Variants in PARD3 observed in about 807,000 individuals in gnomAD.
PARD3 encodes the protein partitioning defective 3 homolog.
In PARD3, 75 loss-of-function variants were observed where a neutral mutation model predicts 155.4. That is an observed-to-expected ratio of 0.48 (90% confidence interval 0.40 to 0.58). The LOEUF is 0.58. Ranked by LOEUF, PARD3 falls within the 20% of genes least tolerant of loss-of-function variation. PARD3 has a pLI of 0.00. For synonymous variants in PARD3, 576 were observed against 610.5 expected, an observed-to-expected ratio of 0.94 and a Z score of 0.83; for missense variants, 1,642 against 1,721.7, an observed-to-expected ratio of 0.95 and a Z score of 0.82.
intron 1 of PARD3, among the ~76,000 whole-genome samples, chr10:34,790,311 C>T (rs866255690): frequency 2.6e-5 from 4 of 152,216 alleles, no homozygotes; most frequent in Middle Eastern, 6.8e-3. Context: ...CAGTCTGATC[C>T]CCAGGGAGGC....
chr10:34,377,565 G>A (rs998334472), intron 10 of PARD3, among the ~76,000 whole-genome samples: 10 of 152,080 alleles, frequency 6.6e-5, no homozygotes, highest in African/African-American at 1.7e-4. Context: ...ACTCCAGCCT[G>A]GGCGACAGAG....
At chr10:34,409,658 A>G (rs977678054) in intron 5 of PARD3, among the ~76,000 whole-genome samples, 4 of 152,110 alleles carry the variant, frequency 2.6e-5, no homozygotes, top group Non-Finnish European at 5.9e-5. Context: ...CCCACCACAC[A>G]CTAGTGACCA....
chr10:34,565,541 G>C (rs1202159256), intron 2 of PARD3, among the ~76,000 whole-genome samples: 3 of 152,112 alleles, frequency 2.0e-5, no homozygotes, highest in South Asian at 4.2e-4. Context: ...GCTGGGATTA[G>C]AGATGTGAGC....
At chr10:34,329,224 A>G (rs1048791372) in intron 19 of PARD3, among the ~76,000 whole-genome samples, 7 of 152,186 alleles carry the variant, frequency 4.6e-5, no homozygotes, top group Admixed American at 3.9e-4. Context: ...ATTCATATGT[A>G]TTCTATCTCC....
chr10:34,582,699 C>T (rs1262893517), intron 2 of PARD3, among the ~76,000 whole-genome samples: 2 of 152,166 alleles, frequency 1.3e-5, no homozygotes, highest in African/African-American at 2.4e-5. Flanking sequence ...CTAAGCAGTG[C>T]CTACACCAAC....
intron 1 of PARD3, among the ~76,000 whole-genome samples, chr10:34,779,825 G>A (rs1301267934): frequency 6.6e-6 from 1 of 152,198 alleles, no homozygotes; most frequent in Non-Finnish European, 1.5e-5. Flanking sequence ...ATCCATGCCT[G>A]GAGACATCCA....
chr10:34,337,350 G>A lies in PARD3; in HGVS notation c.2485C>T (p.Arg829Cys), dbSNP rs759781795. The part of the protein sequence containing the change: ...GFGRQSMSEK[R>C]TKQFSDASQL... Reference sequence around the variant, plus strand: ...CTGGCATCTGAAAATTGCTTTGTGCGTTTTTCTGACATACTCTGACGTCCA... The same window carrying A: ...CTGGCATCTGAAAATTGCTTTGTGCATTTTTCTGACATACTCTGACGTCCA... The change falls in exon 17 of 25, where the codon CGC becomes TGC. Residue 829 changes from arginine (R) to cysteine (C), a missense_variant. Around this residue, in one of 3 missense-constraint regions of PARD3, gnomAD observed 1,529 missense variants for 1,587.3 expected, o/e 0.96. Transcript: ENST00000374788. 6.2e-6 allele frequency: 10 copies of A among 1,601,886 alleles called. No individual in the cohort carries two copies. The highest frequency in any genetic ancestry group is 2.3e-5 in the East Asian group (1 of 43,966).
intron 1 of PARD3, among the ~76,000 whole-genome samples, chr10:34,783,073 AG>A: frequency 6.6e-6 from 1 of 152,152 alleles, no homozygotes; most frequent in Non-Finnish European, 1.5e-5. Context: ...CATGTTTGTC[AG>A]GGTGTCAAAC....
In PARD3 at chr10:34,241,803, A is replaced by G. The variant is rs76690525; in HGVS notation, c.3419+27854T>C. On this transcript the variant is annotated intron_variant, in intron 22 of 24. Transcript: ENST00000374788. ...GAAGAAATGGACCCAGAAGTCCCAG[A>G]CCACAGCATTCTTACCAGGTTCTAA... 4.8e-3 allele frequency among the ~76,000 whole-genome samples: 738 copies of G among 152,290 alleles called. 3 individuals carry two copies. Among genetic ancestry groups the G allele is most frequent in the African/African-American group, 0.017 (692 of 41,556 alleles).
chr10:34,144,604 G>C (rs1372470655), intron 22 of PARD3, among the ~76,000 whole-genome samples: 2 of 152,184 alleles, frequency 1.3e-5, no homozygotes, highest in East Asian at 1.9e-4. Context: ...AGACATTTCT[G>C]GGTAATATAT....
chr10:34,451,476 C>T (rs184408902), intron 4 of PARD3, among the ~76,000 whole-genome samples: 1 of 151,986 alleles, frequency 6.6e-6, no homozygotes, highest in Admixed American at 6.6e-5. Flanking sequence ...ATATGAACAC[C>T]CAATACAAAC....
intron 1 of PARD3, among the ~76,000 whole-genome samples, chr10:34,710,179 G>C (rs1590761270): frequency 6.6e-6 from 1 of 152,192 alleles, no homozygotes; most frequent in South Asian, 2.1e-4. Flanking sequence ...CGTAAAAACA[G>C]GAAACAGGTT....
intron 1 of PARD3, among the ~76,000 whole-genome samples, chr10:34,764,106 T>A (rs1837795119): frequency 6.6e-6 from 1 of 152,186 alleles, no homozygotes; most frequent in African/African-American, 2.4e-5. Context: ...CCGTCCTGCA[T>A]GCTAGTTGGG....
At chr10:34,693,603 G>A (rs77620188) in intron 2 of PARD3, among the ~76,000 whole-genome samples, 2,878 of 152,092 alleles carry the variant, frequency 0.019, 94 homozygotes, top group African/African-American at 0.066. Flanking sequence ...TAGCCTATTG[G>A]GTACTATGTT....
rs150243167 is a variant in PARD3, at chr10:34,260,841, T to C, written c.3419+8816A>G. Among the ~76,000 whole-genome samples the C allele has an allele frequency of 4.4e-3, 668 of 152,304 alleles. 10 individuals are homozygous for C. The highest frequency in any genetic ancestry group is 0.027 in the Admixed American group (418 of 15,284). Reference sequence around the variant, plus strand: ...GACCCAACATTTCTAAAAGAGCACATGTTTAATAAGTGCCTATATCTAAGA... The same window carrying C: ...GACCCAACATTTCTAAAAGAGCACACGTTTAATAAGTGCCTATATCTAAGA... On this transcript the variant is annotated intron_variant, in intron 22 of 24. Transcript: ENST00000374788.
chr10:34,356,050 C>T (rs7914727), intron 14 of PARD3, among the ~76,000 whole-genome samples: 17,116 of 151,438 alleles, frequency 0.11, 1,903 homozygotes, highest in African/African-American at 0.29. Context: ...AGAGAAGACC[C>T]GGAGTAGGGT....
intron 2 of PARD3, among the ~76,000 whole-genome samples, chr10:34,525,976 G>A (rs1361652967): frequency 6.6e-6 from 1 of 151,356 alleles, no homozygotes; most frequent in Non-Finnish European, 1.5e-5. Flanking sequence ...AGCTACTCGG[G>A]AGGCTGAGGC....
intron 22 of PARD3, among the ~76,000 whole-genome samples, chr10:34,251,949 T>C (rs146797948): frequency 2.0e-5 from 3 of 152,242 alleles, no homozygotes; most frequent in East Asian, 3.9e-4. Context: ...AATACAGCAG[T>C]GAATGAAACA....
intron 2 of PARD3, among the ~76,000 whole-genome samples, chr10:34,592,117 A>G (rs1234762618): frequency 6.6e-6 from 1 of 152,156 alleles, no homozygotes; most frequent in African/African-American, 2.4e-5. Context: ...CTAACCATCA[A>G]CTTTAATTAT....
Sources: allele counts gnomAD v4.1 joint callset (sites outside exome capture counted in the v4.1 genomes callset), GRCh38; gene constraint gnomAD v4.1.1; regional missense constraint gnomAD v4.1.1; transcripts MANE v1.5; gene names NCBI Gene and HGNC (gene_info 2026-07-23, HGNC 2026-07-21).